The following RANBP2 variants were observed in gnomAD, a reference collection of about 807,000 sequenced individuals.
The protein encoded by RANBP2 is E3 SUMO-protein ligase RanBP2.
A neutral mutation model predicts 303.6 loss-of-function variants in RANBP2; 57 were observed. That is an observed-to-expected ratio of 0.19 (90% confidence interval 0.15 to 0.23). The LOEUF (loss-of-function observed/expected upper bound fraction) is 0.23. Ranked by LOEUF, RANBP2 falls within the 10% of genes least tolerant of loss-of-function variation. RANBP2 has a pLI of 1.00. For synonymous variants in RANBP2, 1,167 were observed against 1,301.5 expected (o/e 0.90, Z 2.23); for missense variants, 3,138 against 3,780.8 (o/e 0.83, Z 4.46).
chr2:109,150,452 A>G, the RANBP2 span, among the ~76,000 whole-genome samples: 1 of 152,208 alleles, frequency 6.6e-6, no homozygotes, highest in African/African-American at 2.4e-5. Context: ...TTCACTTAAA[A>G]AACAATTTCT....
the RANBP2 span, among the ~76,000 whole-genome samples, chr2:108,983,401 A>G: frequency 6.6e-6 from 1 of 152,230 alleles, no homozygotes; most frequent in Non-Finnish European, 1.5e-5. Flanking sequence ...CCAAGGACAC[A>G]GAGCCTCAAT....
chr2:109,038,459 C>A, the RANBP2 span, among the ~76,000 whole-genome samples: 1 of 152,104 alleles, frequency 6.6e-6, no homozygotes, highest in Non-Finnish European at 1.5e-5. Flanking sequence ...CATGATAAAA[C>A]CCCATCCTGT....
chr2:109,003,482 C>G, the RANBP2 span, among the ~76,000 whole-genome samples: 1 of 151,638 alleles, frequency 6.6e-6, no homozygotes, highest in Admixed American at 6.6e-5. Context: ...ATGATCTTGG[C>G]CCACTGCAAC....
the RANBP2 span, among the ~76,000 whole-genome samples, chr2:109,710,547 G>C: frequency 6.6e-6 from 1 of 152,196 alleles, no homozygotes; most frequent in Non-Finnish European, 1.5e-5. Flanking sequence ...TGGGGCTGAA[G>C]GCTCACCTCT....
the RANBP2 span, among the ~76,000 whole-genome samples, chr2:109,475,611 G>A: frequency 1.3e-5 from 2 of 152,240 alleles, no homozygotes; most frequent in Non-Finnish European, 2.9e-5. Context: ...CACTATCAGA[G>A]CCAGATAATC....
chr2:109,544,139 T>C, the RANBP2 span: 10 of 1,540,984 alleles, frequency 6.5e-6, no homozygotes, highest in South Asian at 5.9e-5. Context: ...CTCTGGCTTA[T>C]GTATTGACCT....
chr2:109,555,811 C>T, the RANBP2 span, among the ~76,000 whole-genome samples: 4 of 152,144 alleles, frequency 2.6e-5, no homozygotes, highest in East Asian at 1.9e-4. Flanking sequence ...AGAAGCAGGA[C>T]GCTCTCTTCT....
chr2:108,984,918 T>C, the RANBP2 span, among the ~76,000 whole-genome samples: 1 of 152,218 alleles, frequency 6.6e-6, no homozygotes, highest in South Asian at 2.1e-4. Context: ...CTCCTGTGCA[T>C]GCAGGATTCT....
chr2:109,503,356 G>A, the RANBP2 span: 7 of 152,070 alleles, frequency 4.6e-5, no homozygotes, highest in South Asian at 4.2e-4. Flanking sequence ...AACACGGGCC[G>A]CTTATTTTCA....
the RANBP2 span, among the ~76,000 whole-genome samples, chr2:108,956,954 A>G: frequency 6.6e-6 from 1 of 152,140 alleles, no homozygotes; most frequent in East Asian, 1.9e-4. Context: ...ACGCCCCGCT[A>G]ATTTTTTGTA....
the RANBP2 span, among the ~76,000 whole-genome samples, chr2:109,086,321 G>A: frequency 6.6e-6 from 1 of 152,164 alleles, no homozygotes; most frequent in Non-Finnish European, 1.5e-5. Context: ...TACCATTGAA[G>A]GAGCTCCTGG....
At chr2:109,538,737 C>A in the RANBP2 span, among the ~76,000 whole-genome samples, 1 of 152,238 alleles carries the variant, frequency 6.6e-6, no homozygotes, top group East Asian at 1.9e-4. Flanking sequence ...CCAGGCTGGT[C>A]TTGAATTCCT....
the RANBP2 span, chr2:109,758,677 A>G: frequency 6.7e-6 from 1 of 150,308 alleles, no homozygotes. Flanking sequence ...TTTCCTTGTT[A>G]TCAGAGCCTT....
At chr2:109,681,527 AC>A in the RANBP2 span, among the ~76,000 whole-genome samples, 152 of 152,226 alleles carry the variant, frequency 1.0e-3, no homozygotes, top group African/African-American at 3.6e-3. Flanking sequence ...AGAGGAGGAA[AC>A]TTTTAGGTGA....
At chr2:109,323,970 TC>T in the RANBP2 span, among the ~76,000 whole-genome samples, 1 of 152,188 alleles carries the variant, frequency 6.6e-6, no homozygotes, top group Admixed American at 6.5e-5. Flanking sequence ...CACTCTCTGT[TC>T]CCCTTCCCCC....
chr2:108,979,874 C>T, the RANBP2 span, among the ~76,000 whole-genome samples: 1 of 152,104 alleles, frequency 6.6e-6, no homozygotes, highest in Non-Finnish European at 1.5e-5. Context: ...GGGCAGCACA[C>T]GGGTAGGGGG....
At chr2:109,324,840 C>T in the RANBP2 span, among the ~76,000 whole-genome samples, 3 of 152,196 alleles carry the variant, frequency 2.0e-5, no homozygotes, top group African/African-American at 4.8e-5. Flanking sequence ...CGTCCCTCTC[C>T]TTGAGGTGTG....
the RANBP2 span, among the ~76,000 whole-genome samples, chr2:109,141,063 G>A: frequency 6.6e-6 from 1 of 152,168 alleles, no homozygotes; most frequent in Non-Finnish European, 1.5e-5. Flanking sequence ...TTGTATTGAA[G>A]GGATCAATGC....
the RANBP2 span, among the ~76,000 whole-genome samples, chr2:109,421,063 T>C: frequency 1.3e-5 from 2 of 152,340 alleles, no homozygotes; most frequent in South Asian, 4.1e-4. Context: ...GCCATGCTCC[T>C]AGCTCAGTTC....
Sources: gnomAD v4.1 joint callset for allele counts (sites outside exome capture counted in the v4.1 genomes callset) on GRCh38, gnomAD v4.1.1 for gene constraint, MANE v1.5 for transcripts, NCBI Gene and HGNC (gene_info 2026-07-23, HGNC 2026-07-21) for gene names.